Variants in C1D observed in about 807,000 individuals in gnomAD.
C1D encodes nuclear nucleic acid-binding protein C1D.
Under a neutral mutation model 17.5 loss-of-function variants are expected in C1D, and 10 were observed. That is an observed-to-expected ratio of 0.57 (90% CI 0.35 to 0.97). The LOEUF (loss-of-function observed/expected upper bound fraction) is 0.97. C1D is among the 50% of genes least tolerant of loss of function. The pLI, the probability that C1D is intolerant of heterozygous loss-of-function variation, is 0.01. For synonymous variants in C1D, 49 were observed against 54.0 expected (o/e 0.91, Z 0.40); for missense variants, 136 against 160.1 (o/e 0.85, Z 0.81).
chr2:68,061,846 T>C (rs1671638326), intron 1 of C1D, among the ~76,000 whole-genome samples: 2 of 152,226 alleles, frequency 1.3e-5, no homozygotes, highest in African/African-American at 4.8e-5. Flanking sequence ...TTTTGAACTG[T>C]GATACATACA....
At chr2:68,047,105 C>T (rs1671148363) in intron 2 of C1D, 68 bp downstream of exon 2, 1 of 1,411,212 alleles carries the variant, frequency 7.1e-7, no homozygotes, top group Admixed American at 2.1e-5. Context: ...TTTCTTCTTC[C>T]ACATGTTTCA....
Position 68,041,840 on chromosome 2 carries a change from G to A in C1D, c.*1049C>T, listed in dbSNP as rs547793395. ...GATTCAAACACTGAAAGCATTAAGG[G>A]CATATAATTAAAATTCATGGGCTTA... On this transcript the variant is annotated 3_prime_UTR_variant, in exon 5 of 5. Coordinates refer to ENST00000410067, the MANE Select transcript of C1D (RefSeq NM_173177.3). 1.3e-5 allele frequency: 2 copies of A among 152,020 alleles called. No individual in the cohort carries two copies. The highest frequency in any genetic ancestry group is 2.9e-5 in the Non-Finnish European group (2 of 67,856). 9.4% of individuals were successfully genotyped at this position (152,020 alleles called of 1,614,324 possible). A position where few individuals can be genotyped will look rare whatever the true frequency, so the allele number is the denominator to read the frequency against.
At position 68,043,867 on chromosome 2, in the gene C1D, T is replaced by A. The variant is rs1490125006; in HGVS notation, c.262-814A>T. On this transcript the variant is annotated intron_variant, in intron 4 of 4. Coordinates refer to ENST00000410067, the MANE Select transcript of C1D (RefSeq NM_173177.3). ...AAAGACTGGCAACTCTGCTCCACAC[T>A]CTCTAGTGACGTCCCATTTCTGTCT... Among the ~76,000 whole-genome samples, 3 of 152,274 alleles carry A rather than the reference T, an allele frequency of 2.0e-5. No individual in the cohort carries two copies. The East Asian group carries it at 5.8e-4, about 29-fold the overall frequency.
intron 1 of C1D, among the ~76,000 whole-genome samples, chr2:68,049,301 A>G (rs1218268630): frequency 6.6e-6 from 1 of 152,150 alleles, no homozygotes; most frequent in African/African-American, 2.4e-5. Flanking sequence ...AACTCCAAGA[A>G]CAGAGCCATA....
At chr2:68,056,145 CAG>C (rs990300505) in intron 1 of C1D, among the ~76,000 whole-genome samples, 38 of 152,188 alleles carry the variant, frequency 2.5e-4, no homozygotes, top group African/African-American at 7.7e-4. Flanking sequence ...CCTTTTGAGA[CAG>C]AGTCTTGCTG....
At chr2:68,054,215 A>G (rs1671372083) in intron 1 of C1D, among the ~76,000 whole-genome samples, 1 of 152,108 alleles carries the variant, frequency 6.6e-6, no homozygotes, top group South Asian at 2.1e-4. Flanking sequence ...TTATATGGCT[A>G]CCCTAAACAA....
intron 1 of C1D, among the ~76,000 whole-genome samples, chr2:68,055,674 T>C (rs1008538859): frequency 2.0e-5 from 3 of 152,190 alleles, no homozygotes; most frequent in Non-Finnish European, 4.4e-5. Context: ...CTGTCATCTA[T>C]GATAATAGCA....
At chr2:68,052,988 C>A (rs952644601) in intron 1 of C1D, 2 of 1,523,722 alleles carry the variant, frequency 1.3e-6, no homozygotes, top group Non-Finnish European at 1.8e-6. Context: ...GATGAATAAA[C>A]TGAGCCAAAA....
At position 68,041,358 on chromosome 2, in the gene C1D, A is replaced by G. The variant is rs1670954111; in HGVS notation, c.*1531T>C. On this transcript the variant is annotated 3_prime_UTR_variant, in exon 5 of 5. Transcript: ENST00000410067. Reference sequence around the variant, plus strand: ...TTTTCATTTAAGCTGTTTTTCTTTTATGAAATTAGAAAATATACAGAAATC... The same window carrying G: ...TTTTCATTTAAGCTGTTTTTCTTTTGTGAAATTAGAAAATATACAGAAATC... 6.6e-6 allele frequency: 1 copy of G among 152,176 alleles called. No homozygotes were observed. The highest frequency in any genetic ancestry group is 2.1e-4 in the South Asian group (1 of 4,834). The allele number at this position is 152,176 out of a possible 1,614,324, so 9.4% of individuals were successfully genotyped here.
intron 1 of C1D, among the ~76,000 whole-genome samples, chr2:68,051,347 C>T (rs1671276324): frequency 6.6e-6 from 1 of 151,992 alleles, no homozygotes; most frequent in African/African-American, 2.4e-5. Flanking sequence ...GGCAAGACCC[C>T]ATATCTATAA....
chr2:68,046,405 A>T lies in C1D; in HGVS notation c.144T>A (p.Asp48Glu). The T allele has an allele frequency of 6.2e-7, 1 of 1,608,982 alleles. No individual in the cohort carries two copies. Among genetic ancestry groups the T allele is most frequent in the Non-Finnish European group, 8.5e-7 (1 of 1,176,504 alleles). ...AATCCACTTTTGCTTGTTCAAGTGGATCCAACTGTTAAAAAAGAAAGAGAG... is the reference window on the plus strand; with the variant it reads ...AATCCACTTTTGCTTGTTCAAGTGGTTCCAACTGTTAAAAAAGAAAGAGAG... ...VSRNELLQKL[D>E]PLEQAKVDLV... The change falls in exon 3 of 5, where the codon GAT (aspartate) becomes GAA (glutamate). Residue 48 changes from aspartate to glutamate, a missense_variant. Transcript: ENST00000410067.
At chr2:68,048,767 T>C (rs1671203065) in intron 1 of C1D, among the ~76,000 whole-genome samples, 2 of 152,122 alleles carry the variant, frequency 1.3e-5, no homozygotes, top group Non-Finnish European at 2.9e-5. Context: ...ACTGAAAATA[T>C]GCACTTGCCG....
intron 1 of C1D, among the ~76,000 whole-genome samples, chr2:68,061,190 T>G (rs1671619200): frequency 6.6e-6 from 1 of 152,240 alleles, no homozygotes; most frequent in South Asian, 2.1e-4. Flanking sequence ...ATTACTGTAA[T>G]GACTTTTTCG....
intron 1 of C1D, chr2:68,053,420 G>A: frequency 2.2e-6 from 1 of 461,162 alleles, no homozygotes; most frequent in Non-Finnish European, 3.9e-6. Context: ...AGAAACCTGG[G>A]AGGCACCCCA....
chr2:68,050,993 C>A (rs1022095851), intron 1 of C1D, among the ~76,000 whole-genome samples: 3 of 152,084 alleles, frequency 2.0e-5, no homozygotes, highest in African/African-American at 7.2e-5. Flanking sequence ...TAATACACAC[C>A]CAGAATCTAG....
intron 4 of C1D, among the ~76,000 whole-genome samples, chr2:68,044,903 T>C (rs1558580203): frequency 6.6e-6 from 1 of 152,166 alleles, no homozygotes; most frequent in East Asian, 1.9e-4. Flanking sequence ...AAAAGAGAAA[T>C]TGTATGCAAA....
chr2:68,048,347 T>C (rs1671193412), intron 1 of C1D, among the ~76,000 whole-genome samples: 1 of 152,204 alleles, frequency 6.6e-6, no homozygotes, highest in Non-Finnish European at 1.5e-5. Flanking sequence ...TGAATGTGTA[T>C]GACAGCAAAT....
intron 1 of C1D, among the ~76,000 whole-genome samples, chr2:68,058,446 G>A (rs1671502470): frequency 6.6e-6 from 1 of 152,208 alleles, no homozygotes. Context: ...CTCGATGACA[G>A]AGATGAATTA....
chr2:68,054,454 T>A (rs1051376145), intron 1 of C1D, among the ~76,000 whole-genome samples: 1 of 152,214 alleles, frequency 6.6e-6, no homozygotes, highest in Non-Finnish European at 1.5e-5. Context: ...TGTCTACAAG[T>A]GGAATTTCTT....
Sources: allele counts gnomAD v4.1 joint callset (sites outside exome capture counted in the v4.1 genomes callset), GRCh38; gene constraint gnomAD v4.1.1; transcripts MANE v1.5; gene names NCBI Gene and HGNC (gene_info 2026-07-23, HGNC 2026-07-21).